Variants in CCBE1 observed in about 807,000 individuals in gnomAD.
CCBE1 encodes collagen and calcium binding EGF domains 1.
CCBE1 carries 37 observed loss-of-function variants against 50.0 expected under a neutral mutation model. That is an observed-to-expected ratio of 0.74 (90% confidence interval 0.57 to 0.97). CCBE1 has a LOEUF of 0.97. CCBE1 is among the 50% of genes least tolerant of loss of function. The pLI, the probability that CCBE1 is intolerant of heterozygous loss-of-function variation, is 0.00. For missense variants in CCBE1, 538 were observed against 523.8 expected, an observed-to-expected ratio of 1.03 and a Z score of -0.26; for synonymous variants, 234 against 203.7, an observed-to-expected ratio of 1.15 and a Z score of -1.27.
chr18:59,439,909 C>T, intron 7 of CCBE1, 93 bp from the exon 8 acceptor site: 3 of 1,361,078 alleles, frequency 2.2e-6, no homozygotes, highest in Non-Finnish European at 3.1e-6. Flanking sequence ...AGCCATTTCT[C>T]TTTGTACTCT....
chr18:59,478,702 G>A (rs1025312231), intron 3 of CCBE1, among the ~76,000 whole-genome samples: 1 of 152,198 alleles, frequency 6.6e-6, no homozygotes, highest in Admixed American at 6.5e-5. Context: ...GTTGGGCAAG[G>A]TCTTTAGATA....
chr18:59,687,086 T>C (rs1041233075), intron 2 of CCBE1, among the ~76,000 whole-genome samples: 1 of 152,138 alleles, frequency 6.6e-6, no homozygotes, highest in Non-Finnish European at 1.5e-5. Flanking sequence ...ACAAAAAAAT[T>C]GAGCCATTTC....
chr18:59,656,030 T>G (rs1014255385), intron 2 of CCBE1, among the ~76,000 whole-genome samples: 1 of 152,154 alleles, frequency 6.6e-6, no homozygotes, highest in Admixed American at 6.5e-5. Flanking sequence ...GTGACCAGGG[T>G]TACCAAAACA....
chr18:59,619,408 T>A (rs1051878483), intron 2 of CCBE1, among the ~76,000 whole-genome samples: 14 of 152,226 alleles, frequency 9.2e-5, no homozygotes. Context: ...AACCTTGAAC[T>A]CCTAGGCTTA....
chr18:59,646,063 AGG>A (rs947337515), intron 2 of CCBE1, among the ~76,000 whole-genome samples: 1 of 152,082 alleles, frequency 6.6e-6, no homozygotes, highest in African/African-American at 2.4e-5. Flanking sequence ...AGGTATCAAA[AGG>A]CAGCAGTTTA....
rs187359252 is a variant in CCBE1 at position 59,506,342 on chromosome 18, A to G, written c.213-26104T>C. ...GAAGGAACCAACCCTGAGGATACCTAGGTTTCAGATTTGTGGTCTCCTGGC... is the reference window on the plus strand; with the variant it reads ...GAAGGAACCAACCCTGAGGATACCTGGGTTTCAGATTTGTGGTCTCCTGGC... On this transcript the variant is annotated intron_variant, in intron 2 of 10. Transcript: ENST00000439986. Among the ~76,000 whole-genome samples the G allele has an allele frequency of 1.6e-4, 24 of 152,300 alleles. 1 individual carries two copies. The East Asian group carries it at 3.9e-3, about 25-fold the overall frequency.
intron 2 of CCBE1, among the ~76,000 whole-genome samples, chr18:59,497,220 C>A (rs1333098253): frequency 1.3e-5 from 2 of 152,126 alleles, no homozygotes; most frequent in Non-Finnish European, 2.9e-5. Flanking sequence ...TACGATGAAG[C>A]TCTGTGAAAT....
At chr18:59,504,383 CCT>C (rs1491222468) in intron 2 of CCBE1, among the ~76,000 whole-genome samples, 4 of 95,182 alleles carry the variant, frequency 4.2e-5, no homozygotes, top group East Asian at 5.2e-4. Context: ...AGAATGTCTT[CCT>C]TTTTTTTTTT....
chr18:59,643,044 T>C (rs2054011339), intron 2 of CCBE1, among the ~76,000 whole-genome samples: 1 of 152,144 alleles, frequency 6.6e-6, no homozygotes, highest in Non-Finnish European at 1.5e-5. Context: ...AATGGTTGTT[T>C]TAAAAATTAA....
At chr18:59,523,766 A>T (rs765832325) in intron 2 of CCBE1, among the ~76,000 whole-genome samples, 19 of 152,186 alleles carry the variant, frequency 1.2e-4, no homozygotes, top group Non-Finnish European at 2.8e-4. Context: ...TATGGTTCAC[A>T]AAGGGTGAGC....
Position 59,667,618 on chromosome 18 carries a change from T to A in CCBE1, c.212+29011A>T, listed in dbSNP as rs2144701438. ...CGCAGCCAATACCAACCCACCGCTC[T>A]GGAGAAAGTTGAGGAGGAAATACAC... On this transcript the variant is annotated intron_variant, in intron 2 of 10. Transcript: ENST00000439986. Among the ~76,000 whole-genome samples the A allele has an allele frequency of 2.0e-5, 3 of 152,270 alleles. 1 individual carries two copies. Among genetic ancestry groups the A allele is most frequent in the Middle Eastern group, 6.8e-3 (2 of 294 alleles).
At chr18:59,631,928 A>T (rs2053854223) in intron 2 of CCBE1, among the ~76,000 whole-genome samples, 1 of 152,206 alleles carries the variant, frequency 6.6e-6, no homozygotes, top group Admixed American at 6.5e-5. Context: ...TCAACCATTC[A>T]TTTAGTATCT....
At chr18:59,600,430 G>T (rs1246862646) in intron 2 of CCBE1, among the ~76,000 whole-genome samples, 5 of 152,136 alleles carry the variant, frequency 3.3e-5, no homozygotes, top group South Asian at 2.1e-4. Flanking sequence ...TGTGATAATA[G>T]AAATAAACTG....
intron 2 of CCBE1, among the ~76,000 whole-genome samples, chr18:59,608,502 A>G (rs1209020457): frequency 6.6e-6 from 1 of 152,150 alleles, no homozygotes; most frequent in Non-Finnish European, 1.5e-5. Flanking sequence ...TGCTTGAGAG[A>G]TGTGTTTTAG....
At chr18:59,504,668 T>C (rs1030209141) in intron 2 of CCBE1, among the ~76,000 whole-genome samples, 1 of 152,208 alleles carries the variant, frequency 6.6e-6, no homozygotes. Flanking sequence ...TCCTAGACAG[T>C]ACATTTTGCA....
At chr18:59,687,411 GTGTTTT>G (rs1365168319) in intron 2 of CCBE1, among the ~76,000 whole-genome samples, 1 of 130,890 alleles carries the variant, frequency 7.6e-6, no homozygotes, top group Non-Finnish European at 1.7e-5. Context: ...ATCTGTGCCT[GTGTTTT>G]TTTCTCTACA....
chr18:59,511,486 G>A (rs1254121773), intron 2 of CCBE1, among the ~76,000 whole-genome samples: 2 of 152,150 alleles, frequency 1.3e-5, no homozygotes, highest in Non-Finnish European at 2.9e-5. Context: ...TGCTTAGGAG[G>A]TTTGAAAGTT....
Position 59,697,311 on chromosome 18 carries a change from GC to G in CCBE1, c.31del (p.Ala11LeufsTer50), listed in dbSNP as rs1193014894. On this transcript the variant is annotated frameshift_variant, in exon 1 of 11. Coordinates refer to ENST00000439986, the MANE Select transcript of CCBE1 (RefSeq NM_133459.4). LOFTEE classifies it high-confidence loss of function. MVPPPPSRGG[A>X]ARGQLGRSLG... The stretch of plus-strand genomic sequence containing the variant: ...GCTCCTGCCCAGCTGGCCCCTGGCA[GC>G]TCCTCCCCGGCTCGGAGGCGGCGGC... 3.4e-5 allele frequency: 52 copies of G among 1,548,818 alleles called. No individual in the cohort carries two copies. Among genetic ancestry groups the G allele is most frequent in the Non-Finnish European group, 4.5e-5 (52 of 1,146,898 alleles).
intron 2 of CCBE1, among the ~76,000 whole-genome samples, chr18:59,528,720 G>A (rs1457025292): frequency 6.6e-6 from 1 of 152,108 alleles, no homozygotes; most frequent in Admixed American, 6.5e-5. Flanking sequence ...TCTTCCATAG[G>A]GATGCTGACA....
Sources: gnomAD v4.1 joint callset for allele counts (sites outside exome capture counted in the v4.1 genomes callset) on GRCh38, gnomAD v4.1.1 for gene constraint, MANE v1.5 for transcripts, NCBI Gene and HGNC (gene_info 2026-07-23, HGNC 2026-07-21) for gene names.